Variants in MAPKAPK5 observed in about 807,000 individuals in gnomAD.
The protein encoded by MAPKAPK5 is MAPK activated protein kinase 5.
A neutral mutation model predicts 65.1 loss-of-function variants in MAPKAPK5; 30 were observed. The observed-to-expected ratio is 0.46, with a 90% CI of 0.34 to 0.63. The LOEUF is 0.63. Ranked by LOEUF, MAPKAPK5 falls within the 20% of genes least tolerant of loss-of-function variation. MAPKAPK5 has a pLI of 0.01. For missense variants in MAPKAPK5, 433 were observed against 581.4 expected, an observed-to-expected ratio of 0.74 and a Z score of 2.63; for synonymous variants, 179 against 204.6, an observed-to-expected ratio of 0.87 and a Z score of 1.07.
At chr12:111,850,222 T>C (rs1593121055) in intron 1 of MAPKAPK5, among the ~76,000 whole-genome samples, 1 of 151,878 alleles carries the variant, frequency 6.6e-6, no homozygotes, top group African/African-American at 2.4e-5. Context: ...AGAGACGGGG[T>C]TTCACCATGT....
chr12:111,850,983 C>G (rs762395891), intron 1 of MAPKAPK5, among the ~76,000 whole-genome samples: 2 of 151,120 alleles, frequency 1.3e-5, no homozygotes, highest in Non-Finnish European at 2.9e-5. Flanking sequence ...ACTGCAAGCT[C>G]TGCCTCCTGG....
rs1388862780 is a variant in MAPKAPK5, at chr12:111,883,546, C to G, written c.661-35C>G. The stretch of plus-strand genomic sequence containing the variant: ...GGGTGTTTATTTGGGGGCTCTGCTT[C>G]TGCTGTGAGTGACCATTTTCTTTTT... On this transcript the variant is annotated intron_variant, in intron 8 of 13. Transcript: ENST00000550735. The surrounding 1 kb of genome is among the most constrained non-coding windows in gnomAD (Gnocchi z 4.8). 1 of 1,597,612 alleles carries G rather than the reference C, an allele frequency of 6.3e-7. No individual in the cohort carries two copies. The highest frequency in any genetic ancestry group is 1.3e-5 in the African/African-American group (1 of 74,416).
rs528626308 is a variant in MAPKAPK5, at chr12:111,872,264, C to T, written c.579+1084C>T. Among the ~76,000 whole-genome samples, 6 of 152,232 alleles carry T rather than the reference C, an allele frequency of 3.9e-5. No individual in the cohort carries two copies. In the East Asian group the frequency reaches 7.7e-4, roughly 20 times the overall value. On this transcript the variant is annotated intron_variant, in intron 7 of 13. Coordinates refer to ENST00000550735, the MANE Select transcript of MAPKAPK5 (RefSeq NM_003668.4). ...TCCAGTCATTTCACATTTTTACTAACGCCTCATGCTTGTTGCTTGTCAGCA... is the reference window on the plus strand; with the variant it reads ...TCCAGTCATTTCACATTTTTACTAATGCCTCATGCTTGTTGCTTGTCAGCA...
chr12:111,875,789 T>C (rs73205622), intron 7 of MAPKAPK5, among the ~76,000 whole-genome samples: 2,296 of 152,292 alleles, frequency 0.015, 25 homozygotes, highest in Non-Finnish European at 0.024. Flanking sequence ...GCATGTGATA[T>C]CACTTCCTCC....
chr12:111,854,220 C>CTTTTCTTTTTCT (rs550550879), intron 1 of MAPKAPK5, among the ~76,000 whole-genome samples: 2 of 150,722 alleles, frequency 1.3e-5, no homozygotes, highest in South Asian at 4.2e-4. Flanking sequence ...TAAAGATTTT[C>CTTTTCTTTTTCT]TTTTCTTTTT....
intron 10 of MAPKAPK5, 41 bp from the exon 11 acceptor site, chr12:111,888,447 A>G: frequency 6.2e-7 from 1 of 1,607,224 alleles, no homozygotes; most frequent in Non-Finnish European, 8.5e-7. Context: ...TTAGGTGCCC[A>G]GCAATGAATA....
chr12:111,871,877 G>A (rs1169848268), intron 7 of MAPKAPK5, among the ~76,000 whole-genome samples: 1 of 152,206 alleles, frequency 6.6e-6, no homozygotes, highest in Non-Finnish European at 1.5e-5. Context: ...GGCAACCACT[G>A]ACATGCTTTC....
intron 1 of MAPKAPK5, among the ~76,000 whole-genome samples, chr12:111,851,816 G>A (rs1209628963): frequency 6.6e-6 from 1 of 152,220 alleles, no homozygotes; most frequent in African/African-American, 2.4e-5. Context: ...CTGTCCAGAT[G>A]TGCGTGACTT....
At chr12:111,848,324 C>T (rs11066048) in intron 1 of MAPKAPK5, among the ~76,000 whole-genome samples, 13,262 of 151,782 alleles carry the variant, frequency 0.087, 1,920 homozygotes, top group African/African-American at 0.3. Context: ...ATTTCCCTAA[C>T]GACTAATGCT....
chr12:111,849,098 ATTAT>A (rs1451563883), intron 1 of MAPKAPK5, among the ~76,000 whole-genome samples: 2 of 150,760 alleles, frequency 1.3e-5, no homozygotes, highest in African/African-American at 4.9e-5. Flanking sequence ...GAGTTATAGG[ATTAT>A]TTATTTATTT....
chr12:111,865,275 G>A lies in MAPKAPK5; in HGVS notation c.62G>A (p.Ser21Asn). The change falls in exon 2 of 14, where the codon AGT becomes AAT. Residue 21 changes from serine (S) to asparagine (N), a missense_variant. Physicochemically the swap from Ser to Asn is conservative, Grantham distance 46 (BLOSUM62 1). Coordinates refer to ENST00000550735, the MANE Select transcript of MAPKAPK5 (RefSeq NM_003668.4). ...GAAACTTCCATTTTAGAAGAATACA[G>A]TATCAATTGGACTCAGAAGCTGGGA... ...IKETSILEEY[S>N]INWTQKLGAG... The A allele has an allele frequency of 1.3e-6, 2 of 1,588,678 alleles. No individual in the cohort carries two copies. The highest frequency in any genetic ancestry group is 1.7e-6 in the Non-Finnish European group (2 of 1,166,186).
In MAPKAPK5 at chr12:111,874,935, C is replaced by T. The variant is rs10849980; in HGVS notation, c.579+3755C>T. 0.043 allele frequency among the ~76,000 whole-genome samples: 6,454 copies of T among 151,826 alleles called. 1,228 individuals are homozygous for T. The East Asian group carries it at 0.61, about 14-fold the overall frequency. ...GACTACAGGCGCCCGCCACCACGCC[C>T]GGCTAATTTTTTTTCATATTTTTAG... On this transcript the variant is annotated intron_variant, in intron 7 of 13. Transcript: ENST00000550735.
chr12:111,850,954 A>G (rs1031005415), intron 1 of MAPKAPK5, among the ~76,000 whole-genome samples: 1 of 147,192 alleles, frequency 6.8e-6, no homozygotes, highest in Non-Finnish European at 1.5e-5. Context: ...GCTGGAGTGC[A>G]GTGGCACGAT....
chr12:111,856,626 C>CA (rs1276943488), intron 1 of MAPKAPK5, among the ~76,000 whole-genome samples: 2 of 152,072 alleles, frequency 1.3e-5, no homozygotes, highest in Non-Finnish European at 2.9e-5. Flanking sequence ...AGGCTGGTCT[C>CA]AAACTCCTGA....
chr12:111,873,504 C>T lies in MAPKAPK5; in HGVS notation c.579+2324C>T, dbSNP rs11610568. Among the ~76,000 whole-genome samples the T allele has an allele frequency of 1.0e-2, 1,514 of 152,116 alleles. 7 individuals carry two copies. Among genetic ancestry groups the T allele is most frequent in the Non-Finnish European group, 0.016 (1,089 of 67,990 alleles). Reference sequence around the variant, plus strand: ...GATTACAGGAGCCCGCCACCATGTCCGGCTAATTTTTTGTATTTTTAGTAG... The same window carrying T: ...GATTACAGGAGCCCGCCACCATGTCTGGCTAATTTTTTGTATTTTTAGTAG... On this transcript the variant is annotated intron_variant, in intron 7 of 13. Coordinates refer to ENST00000550735, the MANE Select transcript of MAPKAPK5 (RefSeq NM_003668.4).
chr12:111,899,871 T>G lies in MAPKAPK5; in HGVS notation c.*6810T>G. 2.2e-6 allele frequency: 1 copy of G among 454,688 alleles called. No individual in the cohort carries two copies. Among genetic ancestry groups the G allele is most frequent in the Non-Finnish European group, 4.4e-6 (1 of 225,708 alleles). The allele number at this position is 454,688 out of a possible 1,614,324, so 28.2% of individuals were successfully genotyped here. A position where few individuals can be genotyped will look rare whatever the true frequency, so the allele number is the denominator to read the frequency against. ...TACACCATGGCACATCAAGCGTGAG[T>G]CTCCTGTGGTGTCTACTAGCTGGCA... On this transcript the variant is annotated 3_prime_UTR_variant, in exon 14 of 14. Coordinates refer to ENST00000550735, the MANE Select transcript of MAPKAPK5 (RefSeq NM_003668.4).
At chr12:111,879,124 ATAT>A (rs780839724) in intron 7 of MAPKAPK5, among the ~76,000 whole-genome samples, 59 of 152,092 alleles carry the variant, frequency 3.9e-4, no homozygotes, top group Non-Finnish European at 7.2e-4. Context: ...GATTTTAGTG[ATAT>A]TGAGTCTTCT....
intron 1 of MAPKAPK5, among the ~76,000 whole-genome samples, chr12:111,857,631 C>T (rs1158240300): frequency 1.3e-5 from 2 of 152,192 alleles, no homozygotes; most frequent in East Asian, 3.9e-4. Flanking sequence ...GCCAAGTCTA[C>T]TAGCAGTGAA....
chr12:111,874,931 C>T (rs1160040496), intron 7 of MAPKAPK5, among the ~76,000 whole-genome samples: 6 of 151,896 alleles, frequency 4.0e-5, no homozygotes, highest in South Asian at 2.1e-4. Context: ...CCCGCCACCA[C>T]GCCCGGCTAA....
Sources: allele counts gnomAD v4.1 joint callset (sites outside exome capture counted in the v4.1 genomes callset), GRCh38; gene constraint gnomAD v4.1.1; non-coding constraint Gnocchi (gnomAD v3.1); transcripts MANE v1.5; gene names NCBI Gene and HGNC (gene_info 2026-07-23, HGNC 2026-07-21).